GPHN: variants seen among roughly 807,000 people sequenced by gnomAD.
GPHN encodes gephyrin.
A neutral mutation model predicts 95.5 loss-of-function variants in GPHN; 17 were observed. That is an observed-to-expected ratio of 0.18 (90% CI 0.12 to 0.27). The LOEUF is 0.27. GPHN is among the 10% of genes least tolerant of loss of function. The pLI is 1.00. For synonymous variants in GPHN, 320 were observed against 322.5 expected (o/e 0.99, Z 0.08); for missense variants, 660 against 978.1 (o/e 0.67, Z 4.34).
chr14:66,849,133 AG>A (rs2062468215), intron 4 of GPHN, among the ~76,000 whole-genome samples: 1 of 151,974 alleles, frequency 6.6e-6, no homozygotes, highest in South Asian at 2.1e-4. Context: ...ATGTAGCAAA[AG>A]ATGATAGAAC....
At chr14:67,007,681 G>A (rs866008774) in intron 9 of GPHN, among the ~76,000 whole-genome samples, 4 of 152,084 alleles carry the variant, frequency 2.6e-5, no homozygotes, top group Non-Finnish European at 4.4e-5. Flanking sequence ...CCACTCCTTC[G>A]GTCAACCTAT....
At chr14:67,656,541 G>A in the GPHN span, 1 of 1,613,988 alleles carries the variant, frequency 6.2e-7, no homozygotes, top group Non-Finnish European at 8.5e-7. Context: ...GCCCGGTTCA[G>A]GCTTTCAGTG....
At chr14:66,770,455 G>A (rs2059123803) in intron 2 of GPHN, among the ~76,000 whole-genome samples, 1 of 152,090 alleles carries the variant, frequency 6.6e-6, no homozygotes, top group African/African-American at 2.4e-5. Context: ...AGTTTCTATA[G>A]TTTTGGATTT....
the GPHN span, among the ~76,000 whole-genome samples, chr14:67,706,862 T>C: frequency 3.3e-5 from 5 of 152,200 alleles, no homozygotes. Context: ...GATGGTTCGT[T>C]CCTAGACAGG....
chr14:67,650,866 T>G, the GPHN span: 1 of 1,614,210 alleles, frequency 6.2e-7, no homozygotes, highest in Non-Finnish European at 8.5e-7. Context: ...ATGACCAACT[T>G]CCTACTCCCA....
At chr14:67,573,405 A>G in the GPHN span, 1 of 1,412,834 alleles carries the variant, frequency 7.1e-7, no homozygotes, top group Non-Finnish European at 1.0e-6. The surrounding 1 kb of genome is among the most constrained non-coding windows in gnomAD (Gnocchi z 4.8). Flanking sequence ...CTCCCCGCCC[A>G]GCACTGCAGT....
chr14:66,806,936 G>T (rs2060567115), intron 3 of GPHN, among the ~76,000 whole-genome samples: 1 of 152,064 alleles, frequency 6.6e-6, no homozygotes, highest in East Asian at 1.9e-4. Context: ...ATCTACAGCA[G>T]TGCCCCACTC....
At chr14:67,704,209 G>C in the GPHN span, among the ~76,000 whole-genome samples, 1 of 152,202 alleles carries the variant, frequency 6.6e-6, no homozygotes, top group Non-Finnish European at 1.5e-5. Flanking sequence ...GGAGCCAGGA[G>C]AACAAACAGG....
chr14:66,967,701 C>CTTTAATAATTATAATTTCATATTAA (rs1333378708), intron 9 of GPHN, among the ~76,000 whole-genome samples: 12 of 151,714 alleles, frequency 7.9e-5, no homozygotes, highest in African/African-American at 2.7e-4. Flanking sequence ...TAGATAATAA[C>CTTTAATAATTATAATTTCATATTAA]TTTAATAATT....
the GPHN span, chr14:67,725,370 T>C: frequency 9.3e-7 from 1 of 1,077,842 alleles, no homozygotes; most frequent in South Asian, 1.3e-5. Flanking sequence ...CTAGACAGGT[T>C]CTGCCACATG....
the GPHN span, chr14:67,224,843 G>T: frequency 3.2e-6 from 1 of 309,046 alleles, no homozygotes. Flanking sequence ...AAGCAGCCAG[G>T]TTCATTCTTT....
intron 1 of GPHN, among the ~76,000 whole-genome samples, chr14:66,601,498 G>C (rs2062242569): frequency 6.6e-6 from 1 of 151,850 alleles, no homozygotes; most frequent in Non-Finnish European, 1.5e-5. Flanking sequence ...AACCTCTTTA[G>C]TTTTCAGTTT....
chr14:66,651,502 A>T (rs1418758192), intron 1 of GPHN, among the ~76,000 whole-genome samples: 1 of 152,188 alleles, frequency 6.6e-6, no homozygotes. Flanking sequence ...CAACCACAAA[A>T]GACCCCCGAA....
chr14:66,878,563 G>C (rs948519210), intron 4 of GPHN, among the ~76,000 whole-genome samples: 2 of 152,142 alleles, frequency 1.3e-5, no homozygotes, highest in African/African-American at 4.8e-5. Flanking sequence ...GATATGAACA[G>C]ACACTTCTCA....
intron 3 of GPHN, among the ~76,000 whole-genome samples, chr14:66,820,596 A>G (rs1566979345): frequency 6.6e-6 from 1 of 152,168 alleles, no homozygotes; most frequent in Non-Finnish European, 1.5e-5. Context: ...TAAGAAAAAG[A>G]TATGGAGTCT....
chr14:66,615,417 G>C (rs1204689982), intron 1 of GPHN, among the ~76,000 whole-genome samples: 1 of 150,160 alleles, frequency 6.7e-6, no homozygotes, highest in African/African-American at 2.4e-5. Context: ...ACTGGCATGA[G>C]ATGGTATCTC....
the GPHN span, among the ~76,000 whole-genome samples, chr14:67,326,946 G>A: frequency 6.6e-6 from 1 of 152,154 alleles, no homozygotes; most frequent in African/African-American, 2.4e-5. Context: ...AGGCCGAGGC[G>A]GGCAGATCAC....
At chr14:66,818,643 G>A (rs892555778) in intron 3 of GPHN, among the ~76,000 whole-genome samples, 1 of 152,088 alleles carries the variant, frequency 6.6e-6, no homozygotes, top group Admixed American at 6.6e-5. Context: ...GGGTCGAATG[G>A]TATTTCTGTC....
chr14:66,673,949 C>T (rs901310322), intron 1 of GPHN, among the ~76,000 whole-genome samples: 2 of 152,052 alleles, frequency 1.3e-5, no homozygotes, highest in African/African-American at 2.4e-5. Context: ...CAGGGTATTT[C>T]GCATATCCGT....
Sources: gnomAD v4.1 joint callset for allele counts (sites outside exome capture counted in the v4.1 genomes callset) on GRCh38, gnomAD v4.1.1 for gene constraint, Gnocchi (gnomAD v3.1) non-coding constraint, MANE v1.5 for transcripts, NCBI Gene and HGNC (gene_info 2026-07-23, HGNC 2026-07-21) for gene names.